The following VPS13A variants were observed in gnomAD, a reference collection of about 807,000 sequenced individuals.
VPS13A encodes the protein intermembrane lipid transfer protein VPS13A.
In VPS13A, 264 loss-of-function variants were observed where a neutral mutation model predicts 390.9. The observed-to-expected ratio is 0.68, with a 90% confidence interval of 0.61 to 0.75. The LOEUF (loss-of-function observed/expected upper bound fraction) is 0.75. VPS13A is among the 30% of genes least tolerant of loss of function. VPS13A has a pLI of 0.00. For missense variants in VPS13A, 3,409 were observed against 3,733.9 expected (o/e 0.91, Z 2.27); for synonymous variants, 1,231 against 1,227.1 (o/e 1.00, Z -0.07).
intron 24 of VPS13A, among the ~76,000 whole-genome samples, chr9:77,275,053 C>T (rs1826566116): frequency 1.3e-5 from 2 of 152,046 alleles, no homozygotes; most frequent in African/African-American, 2.4e-5. Flanking sequence ...CAGTTTACTT[C>T]ATTCAGACTC....
In VPS13A at chr9:77,200,214, T is replaced by A. The variant is rs565436966; in HGVS notation, c.144+226T>A. ...AATACATATTGTTTTAGGCTGGGCA[T>A]GGTGGCTCATGCCTGTAATCCCAGC... is the stretch of plus-strand genomic sequence containing the variant. On this transcript the variant is annotated intron_variant, in intron 2 of 71. Transcript: ENST00000360280. Among the ~76,000 whole-genome samples the A allele has an allele frequency of 7.2e-5, 11 of 152,210 alleles. 1 individual carries two copies. The highest frequency in any genetic ancestry group is 2.6e-4 in the African/African-American group (11 of 41,542).
At position 77,309,389 on chromosome 9, in the gene VPS13A, G is replaced by A. The variant is rs182607986; in HGVS notation, c.4114+1291G>A. On this transcript the variant is annotated intron_variant, in intron 35 of 71. Transcript: ENST00000360280. ...TTACAGAAGAAATAATTGAGGAAAT[G>A]GAAGGCAATTCTTTAAAGAAGTATA... Among the ~76,000 whole-genome samples, 17 of 152,268 alleles carry A rather than the reference G, an allele frequency of 1.1e-4. No homozygotes were observed. In the East Asian group the frequency reaches 3.3e-3, roughly 29 times the overall value.
chr9:77,190,212 G>T (rs1824591964), intron 1 of VPS13A, among the ~76,000 whole-genome samples: 1 of 152,110 alleles, frequency 6.6e-6, no homozygotes, highest in African/African-American at 2.4e-5. Flanking sequence ...CTCATTCAGT[G>T]TGATGTTAGC....
At chr9:77,385,378 T>A (rs1833639741) in intron 68 of VPS13A, among the ~76,000 whole-genome samples, 1 of 151,942 alleles carries the variant, frequency 6.6e-6, no homozygotes, top group Non-Finnish European at 1.5e-5. Flanking sequence ...TGTGAAACAA[T>A]GAACAAAGTT....
At chr9:77,271,189 G>T (rs1484031712) in intron 23 of VPS13A, among the ~76,000 whole-genome samples, 1 of 152,040 alleles carries the variant, frequency 6.6e-6, no homozygotes, top group African/African-American at 2.4e-5. Context: ...GACTAAACAG[G>T]TAGCATGAAA....
intron 23 of VPS13A, among the ~76,000 whole-genome samples, chr9:77,261,016 G>T (rs1459628971): frequency 6.6e-6 from 1 of 151,686 alleles, no homozygotes; most frequent in Admixed American, 6.6e-5. Context: ...CTCTGCCTCA[G>T]CCTCCTGAGT....
chr9:77,402,618 A>G (rs1834437962), intron 68 of VPS13A, among the ~76,000 whole-genome samples: 1 of 152,170 alleles, frequency 6.6e-6, no homozygotes, highest in Admixed American at 6.5e-5. Flanking sequence ...TCATATGGTT[A>G]TATTTACATT....
In VPS13A at chr9:77,283,598, A is replaced by G; in HGVS notation, c.3287A>G (p.Lys1096Arg). Reference sequence around the variant, plus strand: ...CCTTCAGAAACTGAAATAAACGCAAAGCTAAGGAATATAATTGTTTTAGAT... The same window carrying G: ...CCTTCAGAAACTGAAATAAACGCAAGGCTAAGGAATATAATTGTTTTAGAT... ...MRPSETEINA[K>R]LRNIIVLDSD... The change falls in exon 31 of 72, where the codon AAG becomes AGG. Residue 1096 changes from lysine to arginine, a missense_variant. By Grantham distance (26) the Lys-to-Arg change is conservative. Transcript: ENST00000360280. 2 of 1,613,488 alleles carry G rather than the reference A, an allele frequency of 1.2e-6. No homozygotes were observed. The highest frequency in any genetic ancestry group is 1.7e-6 in the Non-Finnish European group (2 of 1,179,662).
chr9:77,201,423 T>C lies in VPS13A; in HGVS notation c.187+16T>C. 2 of 1,601,726 alleles carry C rather than the reference T, an allele frequency of 1.2e-6. No homozygotes were observed. Among genetic ancestry groups the C allele is most frequent in the African/African-American group, 2.7e-5 (2 of 74,748 alleles). On this transcript the variant is annotated intron_variant, in intron 3 of 71. Transcript: ENST00000360280. ...GGTCACATAGGTAAGCCATATTCAT[T>C]ATTGGGATATCCTCCTTCCTGGACA... is the stretch of plus-strand genomic sequence containing the variant.
chr9:77,248,022 A>G (rs533739722), intron 20 of VPS13A, among the ~76,000 whole-genome samples: 9 of 152,208 alleles, frequency 5.9e-5, no homozygotes, highest in South Asian at 2.1e-4. Flanking sequence ...TTCTTTCTCA[A>G]TTTAGACCTA....
chr9:77,315,182 G>C, intron 37 of VPS13A, 71 bp from the exon 38 acceptor site: 3 of 1,347,728 alleles, frequency 2.2e-6, no homozygotes, highest in Non-Finnish European at 3.2e-6. Context: ...AGAGGTCTTT[G>C]AGTTTTACTC....
At position 77,416,120 on chromosome 9, in the gene VPS13A, G is replaced by A; in HGVS notation, c.*114G>A. The A allele has an allele frequency of 1.6e-6, 2 of 1,257,114 alleles. No individual in the cohort carries two copies. The highest frequency in any genetic ancestry group is 1.1e-6 in the Non-Finnish European group (1 of 888,392). The allele number at this position is 1,257,114 out of a possible 1,614,324, so 77.9% of individuals were successfully genotyped here. A position where few individuals can be genotyped will look rare whatever the true frequency, so the allele number is the denominator to read the frequency against. ...AATGATTTCAAGTACCCTGTATTCT[G>A]GATGCTAAAAAACAAAAACAAACAA... is the stretch of plus-strand genomic sequence containing the variant. On this transcript the variant is annotated 3_prime_UTR_variant, in exon 72 of 72. Transcript: ENST00000360280.
chr9:77,238,379 A>T lies in VPS13A; in HGVS notation c.1893A>T (p.Thr631=). Residue 631 remains threonine, a synonymous_variant, in exon 19 of 72, where the codon ACA becomes ACT. Transcript: ENST00000360280. ...LTKLEEFRSK[T]ATGLLYIIET... ...AACTGGAAGAATTTCGCAGTAAGAC[A>T]GCAACAGGTAAATGCCAATATTAAT... The T allele has an allele frequency of 6.2e-7, 1 of 1,612,034 alleles. No individual in the cohort carries two copies. Among genetic ancestry groups the T allele is most frequent in the Non-Finnish European group, 8.5e-7 (1 of 1,178,124 alleles).
At chr9:77,345,293 T>C in intron 52 of VPS13A, 151 bp downstream of exon 52, 2 of 870,014 alleles carry the variant, frequency 2.3e-6, no homozygotes, top group Non-Finnish European at 3.5e-6. Flanking sequence ...ACTTGAAGCA[T>C]GTAGGGGTAA....
At chr9:77,181,515 C>CA (rs1161800764) in intron 1 of VPS13A, among the ~76,000 whole-genome samples, 30,205 of 79,978 alleles carry the variant, frequency 0.38, 5,080 homozygotes, top group East Asian at 0.57. Flanking sequence ...GACCCTGCCT[C>CA]AAAAAAAAAA....
chr9:77,353,977 C>G (rs554876496), intron 54 of VPS13A, among the ~76,000 whole-genome samples: 89 of 152,164 alleles, frequency 5.8e-4, no homozygotes, highest in Non-Finnish European at 4.4e-4. Flanking sequence ...GGTACATATG[C>G]TGTAGCTGTT....
At chr9:77,343,943 A>G (rs190485195) in intron 50 of VPS13A, among the ~76,000 whole-genome samples, 18 of 152,308 alleles carry the variant, frequency 1.2e-4, no homozygotes, top group African/African-American at 2.6e-4. Context: ...TCAATTTGCT[A>G]TCCACTGCTT....
At chr9:77,232,030 G>A (rs1766314104) in intron 17 of VPS13A, among the ~76,000 whole-genome samples, 1 of 152,008 alleles carries the variant, frequency 6.6e-6, no homozygotes, top group African/African-American at 2.4e-5. Flanking sequence ...GAACACTCCT[G>A]GTACCATTGT....
At chr9:77,243,916 T>A (rs962973230) in intron 19 of VPS13A, among the ~76,000 whole-genome samples, 1 of 152,200 alleles carries the variant, frequency 6.6e-6, no homozygotes, top group African/African-American at 2.4e-5. Flanking sequence ...GAGGGACTGT[T>A]TTGTTACTCC....
Sources: gnomAD v4.1 joint callset for allele counts (sites outside exome capture counted in the v4.1 genomes callset) on GRCh38, gnomAD v4.1.1 for gene constraint, MANE v1.5 for transcripts, NCBI Gene and HGNC (gene_info 2026-07-23, HGNC 2026-07-21) for gene names.